ARVCF: variants seen among roughly 807,000 people sequenced by gnomAD.
ARVCF encodes the protein splicing regulator ARVCF.
Under a neutral mutation model 90.9 loss-of-function variants are expected in ARVCF, and 66 were observed. The ratio of observed to expected loss-of-function variants is 0.73; its 90% CI spans 0.60 to 0.89. The LOEUF is 0.89. ARVCF is among the 40% of genes least tolerant of loss of function. ARVCF has a pLI of 0.00. For synonymous variants in ARVCF, 653 were observed against 603.4 expected (o/e 1.08, Z -1.21); for missense variants, 1,469 against 1,382.3 (o/e 1.06, Z -1.00).
At chr22:19,982,232 C>T in intron 3 of ARVCF, 141 bp from the exon 4 acceptor site, 4 of 1,170,014 alleles carry the variant, frequency 3.4e-6, no homozygotes, top group African/African-American at 1.5e-5. Context: ...AACCCACCCA[C>T]CCCAAGGCCT....
At chr22:19,978,668 C>T (rs1376831879) in intron 7 of ARVCF, among the ~76,000 whole-genome samples, 1 of 152,138 alleles carries the variant, frequency 6.6e-6, no homozygotes, top group Admixed American at 6.5e-5. Context: ...GGCAGGGCTA[C>T]GGTACCACAG....
intron 2 of ARVCF, among the ~76,000 whole-genome samples, chr22:19,995,868 G>A (rs1260491179): frequency 6.6e-6 from 1 of 152,146 alleles, no homozygotes; most frequent in African/African-American, 2.4e-5. Flanking sequence ...TTCCCTACAA[G>A]GAGGAAATGA....
In ARVCF at chr22:19,990,641, CACT is replaced by C. The variant is rs751180281; in HGVS notation, c.151_153del (p.Ser51del). The C allele has an allele frequency of 6.2e-7, 1 of 1,609,712 alleles. No homozygotes were observed. ...AGGGGCTGCCCACTGCCCATGCCAC[CACT>C]GACCATGCCAGGCTGCTGGGCACGC... On this transcript the variant is annotated inframe_deletion, in exon 3 of 20. Transcript: ENST00000263207.
At position 20,004,299 on chromosome 22, in the gene ARVCF, G is replaced by T. The variant is rs562799964; in HGVS notation, c.-19+6156C>A. Among the ~76,000 whole-genome samples the T allele has an allele frequency of 7.7e-4, 117 of 152,142 alleles. 1 individual carries two copies. Among genetic ancestry groups the T allele is most frequent in the East Asian group, 2.3e-3 (12 of 5,186 alleles). On this transcript the variant is annotated intron_variant, in intron 2 of 19. Coordinates refer to ENST00000263207, the MANE Select transcript of ARVCF (RefSeq NM_001670.3). Reference sequence around the variant, plus strand: ...GTCACAATGACGATACTACTGAAAGGGATCTACAGATTCAGTGCAATTCCT... The same window carrying T: ...GTCACAATGACGATACTACTGAAAGTGATCTACAGATTCAGTGCAATTCCT...
downstream of ARVCF, among the ~76,000 whole-genome samples, chr22:19,968,003 TG>T (rs945853427): frequency 6.6e-6 from 1 of 152,130 alleles, no homozygotes; most frequent in East Asian, 1.9e-4. Context: ...CTGGTGAAGA[TG>T]GGGGGTCTGC....
chr22:19,970,810 G>C, intron 19 of ARVCF, 67 bp from the exon 20 acceptor site: 4 of 1,294,232 alleles, frequency 3.1e-6, no homozygotes, highest in Non-Finnish European at 4.0e-6. Context: ...TGTAACCTCA[G>C]GGCAGGGCAG....
rs764163828 is a variant in ARVCF at position 19,972,916 on chromosome 22, A to T, written c.2550+9T>A. 6.2e-7 allele frequency: 1 copy of T among 1,613,894 alleles called. No homozygotes were observed. Among genetic ancestry groups the T allele is most frequent in the Non-Finnish European group, 8.5e-7 (1 of 1,180,030 alleles). ...GCAGGGAATGGAAGGAAGGCCAGGG[A>T]AGCCGCACCTGGAAGCGCGCCTTGG... On this transcript the variant is annotated intron_variant, in intron 15 of 19. Coordinates refer to ENST00000263207, the MANE Select transcript of ARVCF (RefSeq NM_001670.3).
intron 3 of ARVCF, among the ~76,000 whole-genome samples, chr22:19,990,161 T>C (rs1190140024): frequency 2.0e-5 from 3 of 152,002 alleles, no homozygotes; most frequent in African/African-American, 7.3e-5. Flanking sequence ...GCAGAGAAAA[T>C]GAGGCTCCCA....
At chr22:19,971,698 G>A (rs1942803928) in intron 18 of ARVCF, among the ~76,000 whole-genome samples, 188 bp downstream of exon 18, 1 of 152,184 alleles carries the variant, frequency 6.6e-6, no homozygotes, top group South Asian at 2.1e-4. Flanking sequence ...TCCCCAGTGG[G>A]TGGGAGCTGC....
In ARVCF at chr22:19,981,754, C is replaced by G. The variant is rs1346789564; in HGVS notation, c.370-17G>C. On this transcript the variant is annotated splice_polypyrimidine_tract_variant and intron_variant, in intron 4 of 19. Transcript: ENST00000263207. ...CTTGGTGACCTGGTGGATGGATAGG[C>G]AGGTAGGTGGGGTAGCACGAGAGGC... The G allele has an allele frequency of 6.4e-7, 1 of 1,555,686 alleles. No individual in the cohort carries two copies. The highest frequency in any genetic ancestry group is 8.7e-7 in the Non-Finnish European group (1 of 1,148,730).
Position 19,981,200 on chromosome 22 carries a change from G to A in ARVCF, c.896+11C>T, listed in dbSNP as rs1482746065. 1 of 1,520,940 alleles carries A rather than the reference G, an allele frequency of 6.6e-7. No homozygotes were observed. 94.2% of individuals were successfully genotyped at this position (1,520,940 alleles called of 1,614,324 possible). A position where few individuals can be genotyped will look rare whatever the true frequency, so the allele number is the denominator to read the frequency against. ...AGAGGAGGTAGCCACAGGGGACGGG[G>A]TGCAGCTCACCTGGTATGAAGGCCC... On this transcript the variant is annotated intron_variant, in intron 5 of 19. Transcript: ENST00000263207.
downstream of ARVCF, chr22:19,969,891 A>G (rs1601553485): frequency 2.0e-6 from 2 of 985,362 alleles, no homozygotes; most frequent in East Asian, 2.3e-4. Context: ...GCAGAAAGCA[A>G]AAAGTTCCTT....
intron 8 of ARVCF, 131 bp downstream of exon 8, chr22:19,977,827 G>C: frequency 8.6e-7 from 1 of 1,169,190 alleles, no homozygotes; most frequent in Non-Finnish European, 1.2e-6. Flanking sequence ...CTGCGAGGCG[G>C]GCCACACCCA....
At chr22:19,969,762 A>G, downstream of ARVCF, 7 of 901,682 alleles carry the variant, frequency 7.8e-6, no homozygotes, top group Non-Finnish European at 9.3e-6. Context: ...GACCAGAAAC[A>G]GAGCCTCTGC....
intron 3 of ARVCF, among the ~76,000 whole-genome samples, chr22:19,986,176 T>A (rs905798026): frequency 6.6e-6 from 1 of 152,198 alleles, no homozygotes; most frequent in South Asian, 2.1e-4. Flanking sequence ...CAAGCTCAGC[T>A]TGGGGTCATC....
At chr22:19,974,068 C>A (rs370344734) in intron 12 of ARVCF, 44 bp downstream of exon 12, 33 of 1,570,352 alleles carry the variant, frequency 2.1e-5, no homozygotes, top group Non-Finnish European at 2.8e-5. Flanking sequence ...GCCTGGGATT[C>A]CCTCTCTCAG....
chr22:19,978,797 T>C lies in ARVCF; in HGVS notation c.1580+100A>G, dbSNP rs10427781. The C allele has an allele frequency of 0.012, 16,608 of 1,396,948 alleles. 1,403 individuals are homozygous for C. In the African/African-American group the frequency reaches 0.2, roughly 17 times the overall value. The allele number at this position is 1,396,948 out of a possible 1,614,324, so 86.5% of individuals were successfully genotyped here. ...TGCCACAGCTCTGAAGCTCCTAAGC[T>C]CTGGCGCTCCTAAGCTCGCCGCCAT... is the stretch of plus-strand genomic sequence containing the variant. On this transcript the variant is annotated intron_variant, in intron 7 of 19. Coordinates refer to ENST00000263207, the MANE Select transcript of ARVCF (RefSeq NM_001670.3).
intron 2 of ARVCF, among the ~76,000 whole-genome samples, chr22:19,996,279 C>T (rs1162743283): frequency 1.3e-5 from 2 of 149,514 alleles, no homozygotes; most frequent in East Asian, 2.0e-4. Context: ...GACGCACAAG[C>T]GTGACTTTGT....
chr22:19,968,621 G>C (rs200150695), downstream of ARVCF: 5 of 1,614,088 alleles, frequency 3.1e-6, no homozygotes, highest in Non-Finnish European at 4.2e-6. Context: ...GCACACGTGC[G>C]CGGGAGCAGC....
Sources: allele counts gnomAD v4.1 joint callset (sites outside exome capture counted in the v4.1 genomes callset), GRCh38; gene constraint gnomAD v4.1.1; transcripts MANE v1.5; gene names NCBI Gene and HGNC (gene_info 2026-07-23, HGNC 2026-07-21).